Variants in CRIPT observed in about 807,000 individuals in gnomAD.
The protein encoded by CRIPT is CXXC repeat containing interactor of PDZ3 domain, also known as cysteine-rich PDZ-binding protein.
In CRIPT, 20 loss-of-function variants were observed where a neutral mutation model predicts 16.6. That is an observed-to-expected ratio of 1.20 (90% CI 0.85 to 1.75). The LOEUF is 1.75. Among genes scored for constraint, CRIPT ranks in the 40% most tolerant of loss-of-function variants. The pLI is 0.00. For synonymous variants in CRIPT, 42 were observed against 37.0 expected (o/e 1.14, Z -0.49); for missense variants, 133 against 115.3 (o/e 1.15, Z -0.70).
rs149068034 is a variant in CRIPT, at chr2:46,626,186, C to T, written c.*1959C>T. Among the ~76,000 whole-genome samples the T allele has an allele frequency of 2.6e-5, 4 of 152,206 alleles. No individual in the cohort carries two copies. Among genetic ancestry groups the T allele is most frequent in the South Asian group, 2.1e-4 (1 of 4,824 alleles). ...GTTCCCACTGATAAGTGAGAACATG[C>T]GGTCTTTGGTTTTCTGTTCCTGTGT... is the stretch of plus-strand genomic sequence containing the variant. On this transcript the variant is annotated 3_prime_UTR_variant, in exon 5 of 5. Transcript: ENST00000238892.
rs60085835 is a variant in CRIPT at position 46,623,702 on chromosome 2, G to A, written c.138-62G>A. 1.0e-3 allele frequency: 894 copies of A among 866,676 alleles called. 6 individuals are homozygous for A. In the African/African-American group the frequency reaches 0.014, roughly 13 times the overall value. 53.7% of individuals were successfully genotyped at this position (866,676 alleles called of 1,614,324 possible). A position where few individuals can be genotyped will look rare whatever the true frequency, so the allele number is the denominator to read the frequency against. The stretch of plus-strand genomic sequence containing the variant: ...ATTAATCCTGTGTGTTGCGTAAGTG[G>A]GGTTATTTAAGAGTGTTTCTAGTGT... On this transcript the variant is annotated intron_variant, in intron 3 of 4. Coordinates refer to ENST00000238892, the MANE Select transcript of CRIPT (RefSeq NM_014171.6).
Position 46,623,884 on chromosome 2 carries a change from A to T in CRIPT, c.241+17A>T, listed in dbSNP as rs1382665353. 2 of 1,531,420 alleles carry T rather than the reference A, an allele frequency of 1.3e-6. No individual in the cohort carries two copies. The highest frequency in any genetic ancestry group is 1.2e-5 in the South Asian group (1 of 85,712). 94.9% of individuals were successfully genotyped at this position (1,531,420 alleles called of 1,614,324 possible). On this transcript the variant is annotated intron_variant, in intron 4 of 4. Transcript: ENST00000238892. ...ACAAAAAAGGTAAGTTTCTTTTAAT[A>T]CCGTTTTCTATTCATAAAACCGACT...
rs903745059 is a variant in CRIPT, at chr2:46,627,229, C to T, written c.*3002C>T. ...GATGCACAGTTTGTGAATATTCTCTCCCATTCTGTAGGTTGTCTGTTTACT... is the reference window on the plus strand; with the variant it reads ...GATGCACAGTTTGTGAATATTCTCTTCCATTCTGTAGGTTGTCTGTTTACT... On this transcript the variant is annotated 3_prime_UTR_variant, in exon 5 of 5. Transcript: ENST00000238892. Among the ~76,000 whole-genome samples the T allele has an allele frequency of 2.1e-4, 32 of 152,150 alleles. No individual in the cohort carries two copies. The highest frequency in any genetic ancestry group is 7.5e-4 in the African/African-American group (31 of 41,434).
intron 2 of CRIPT, among the ~76,000 whole-genome samples, chr2:46,619,273 C>A (rs1354808995): frequency 6.6e-6 from 1 of 152,064 alleles, no homozygotes; most frequent in East Asian, 1.9e-4. Flanking sequence ...TTATTAAATA[C>A]ATATAGTAAA....
intron 3 of CRIPT, among the ~76,000 whole-genome samples, chr2:46,621,192 C>T (rs1375556589): frequency 1.3e-5 from 2 of 152,174 alleles, no homozygotes; most frequent in African/African-American, 4.8e-5. Flanking sequence ...TTTTCTTTTT[C>T]ACATAGAATA....
rs183525613 is a variant in CRIPT at position 46,626,815 on chromosome 2, T to C, written c.*2588T>C. Among the ~76,000 whole-genome samples, 3 of 152,104 alleles carry C rather than the reference T, an allele frequency of 2.0e-5. No individual in the cohort carries two copies. In the East Asian group the frequency reaches 5.8e-4, roughly 29 times the overall value. ...TGGCATTTTTTTAATGGGTTTTTGTTTGTGTGTGTGTATTTTTGTTTTTGT... is the reference window on the plus strand; with the variant it reads ...TGGCATTTTTTTAATGGGTTTTTGTCTGTGTGTGTGTATTTTTGTTTTTGT... On this transcript the variant is annotated 3_prime_UTR_variant, in exon 5 of 5. Transcript: ENST00000238892.
chr2:46,617,249 G>T lies in CRIPT; in HGVS notation c.-34G>T. On this transcript the variant is annotated 5_prime_UTR_variant, in exon 1 of 5. Transcript: ENST00000238892. ...TTGTTTTCAGCCTGCTGCTGCTGCT[G>T]CTGTTGCGGCTAGGGGAACCGTCGT... 2 of 1,553,338 alleles carry T rather than the reference G, an allele frequency of 1.3e-6. No homozygotes were observed. Among genetic ancestry groups the T allele is most frequent in the Non-Finnish European group, 1.7e-6 (2 of 1,147,518 alleles).
In CRIPT at chr2:46,626,713, T is replaced by A. The variant is rs928675439; in HGVS notation, c.*2486T>A. Among the ~76,000 whole-genome samples, 1 of 152,202 alleles carries A rather than the reference T, an allele frequency of 6.6e-6. No individual in the cohort carries two copies. The highest frequency in any genetic ancestry group is 1.5e-5 in the Non-Finnish European group (1 of 68,038). On this transcript the variant is annotated 3_prime_UTR_variant, in exon 5 of 5. Transcript: ENST00000238892. ...GTGGTTTTGATTTGCATTTATCTGATTAGTAATGTTGAGCATTTTTTCATG... is the reference window on the plus strand; with the variant it reads ...GTGGTTTTGATTTGCATTTATCTGAATAGTAATGTTGAGCATTTTTTCATG...
intron 1 of CRIPT, 54 bp downstream of exon 1, chr2:46,617,352 G>C (rs1279899469): frequency 1.3e-6 from 2 of 1,541,120 alleles, no homozygotes; most frequent in African/African-American, 2.7e-5. Flanking sequence ...ACCTAACTGA[G>C]CTCTCCCGGG....
At chr2:46,623,490 C>G (rs1469443289) in intron 3 of CRIPT, among the ~76,000 whole-genome samples, 1 of 152,236 alleles carries the variant, frequency 6.6e-6, no homozygotes, top group Non-Finnish European at 1.5e-5. Context: ...TTATGTCACA[C>G]AAATAGAATG....
chr2:46,622,066 A>G (rs186198815), intron 3 of CRIPT, among the ~76,000 whole-genome samples: 97 of 152,328 alleles, frequency 6.4e-4, no homozygotes, highest in South Asian at 3.5e-3. Flanking sequence ...AAACTCTGCC[A>G]GTTTTAAGAT....
At chr2:46,622,144 C>T (rs551913200) in intron 3 of CRIPT, among the ~76,000 whole-genome samples, 177 of 151,986 alleles carry the variant, frequency 1.2e-3, no homozygotes, top group African/African-American at 4.2e-3. Context: ...CCGAGGCAGG[C>T]GGATCACAAG....
At chr2:46,618,255 C>G (rs73926533) in intron 1 of CRIPT, among the ~76,000 whole-genome samples, 11 of 151,568 alleles carry the variant, frequency 7.3e-5, no homozygotes, top group Admixed American at 5.9e-4. Flanking sequence ...GGTCTCTGAT[C>G]CCTCTGATAA....
intron 4 of CRIPT, 101 bp from the exon 5 acceptor site, chr2:46,624,061 TC>T (rs1298458475): frequency 3.3e-6 from 2 of 605,190 alleles, no homozygotes; most frequent in East Asian, 6.7e-5. Context: ...TCTTTTCTTT[TC>T]TTTCCTGATG....
chr2:46,617,792 A>G (rs1396444246), intron 1 of CRIPT, among the ~76,000 whole-genome samples: 1 of 152,092 alleles, frequency 6.6e-6, no homozygotes, highest in Non-Finnish European at 1.5e-5. Flanking sequence ...AGTGCAAATT[A>G]TTATTTCCCT....
At chr2:46,620,821 C>T (rs1385852557) in intron 3 of CRIPT, among the ~76,000 whole-genome samples, 2 of 151,422 alleles carry the variant, frequency 1.3e-5, no homozygotes, top group Admixed American at 6.6e-5. Flanking sequence ...TCTGACATAC[C>T]TCATTTAATG....
chr2:46,627,944 T>C lies in CRIPT; in HGVS notation c.*3717T>C, dbSNP rs2104182789. Among the ~76,000 whole-genome samples the C allele has an allele frequency of 6.6e-6, 1 of 152,244 alleles. No individual in the cohort carries two copies. The highest frequency in any genetic ancestry group is 6.5e-5 in the Admixed American group (1 of 15,276). Reference sequence around the variant, plus strand: ...AGGTGTGTAGCTTTATTTCTGTCTGTTCCATTCCATTGGTCTATGGGTCTG... The same window carrying C: ...AGGTGTGTAGCTTTATTTCTGTCTGCTCCATTCCATTGGTCTATGGGTCTG... On this transcript the variant is annotated 3_prime_UTR_variant, in exon 5 of 5. Transcript: ENST00000238892.
chr2:46,617,930 G>C (rs2346419), intron 1 of CRIPT, among the ~76,000 whole-genome samples: 49,359 of 151,054 alleles, frequency 0.33, 8,197 homozygotes, highest in Admixed American at 0.37. Context: ...CTTCACTGAG[G>C]CTTATCCTCT....
chr2:46,624,031 A>G, intron 4 of CRIPT, 132 bp from the exon 5 acceptor site: 1 of 389,214 alleles, frequency 2.6e-6, no homozygotes, highest in Non-Finnish European at 4.2e-6. Context: ...AAAATTATAT[A>G]TATATATATA....
Sources: gnomAD v4.1 joint callset for allele counts (sites outside exome capture counted in the v4.1 genomes callset) on GRCh38, gnomAD v4.1.1 for gene constraint, MANE v1.5 for transcripts, NCBI Gene and HGNC (gene_info 2026-07-23, HGNC 2026-07-21) for gene names.